Variants in AFF2 observed in about 807,000 individuals in gnomAD.
AFF2 encodes ALF transcription elongation factor 2, also known as AF4/FMR2 family member 2.
Under a neutral mutation model 76.9 loss-of-function variants are expected in AFF2, and 14 were observed. The observed-to-expected ratio is 0.18, with a 90% CI of 0.12 to 0.28. The LOEUF (loss-of-function observed/expected upper bound fraction) is 0.28. AFF2 is among the 10% of genes least tolerant of loss of function. The probability of loss-of-function intolerance (pLI) is 1.00; values close to 1 mark genes in which losing one functional copy is unlikely to be tolerated. For missense variants in AFF2, 868 were observed against 1,001.1 expected, an observed-to-expected ratio of 0.87 and a Z score of 1.79; for synonymous variants, 398 against 366.7, an observed-to-expected ratio of 1.09 and a Z score of -0.98.
intron 19 of AFF2, among the ~76,000 whole-genome samples, chrX:148,984,605 G>C (rs1176461410): frequency 3.6e-5 from 4 of 111,992 alleles, no homozygotes; most frequent in African/African-American, 1.3e-4. Flanking sequence ...AGAGCCTGGT[G>C]TGAGAACAGT....
rs56767828 is a variant in AFF2 at position 148,983,953 on chromosome X, CAAA to C, written c.3623+3176_3623+3178del. Among the ~76,000 whole-genome samples, 2 of 29,124 alleles carry C rather than the reference CAAA, an allele frequency of 6.9e-5. 1 individual carries two copies. Among genetic ancestry groups the C allele is most frequent in the Non-Finnish European group, 1.2e-4 (2 of 16,995 alleles). The allele number at this position is 29,124 out of a possible 115,157, so 25.3% of individuals were successfully genotyped here. A position where few individuals can be genotyped will look rare whatever the true frequency, so the allele number is the denominator to read the frequency against. On this transcript the variant is annotated intron_variant, in intron 19 of 20. Transcript: ENST00000370460. ...GAAGTATGGCACAGAGTGAAATAGA[CAAA>C]AAAAAAAAAAAACTGCCCTCATCAA...
At chrX:148,725,909 G>T (rs911331125) in intron 3 of AFF2, among the ~76,000 whole-genome samples, 27 of 112,033 alleles carry the variant, frequency 2.4e-4, no homozygotes, top group Non-Finnish European at 3.6e-4. Flanking sequence ...AGTTTTAAAA[G>T]AACTTTATAT....
chrX:148,576,215 T>C (rs934803218), intron 1 of AFF2, among the ~76,000 whole-genome samples: 1 of 111,946 alleles, frequency 8.9e-6, no homozygotes, highest in Non-Finnish European at 1.9e-5. Flanking sequence ...AACTGGATTA[T>C]CTGATTTCCT....
chrX:148,914,125 G>A (rs2071500847), intron 9 of AFF2, among the ~76,000 whole-genome samples: 1 of 111,629 alleles, frequency 9.0e-6, no homozygotes. Flanking sequence ...GATGAAGGAG[G>A]GAGTGACTGC....
intron 1 of AFF2, among the ~76,000 whole-genome samples, chrX:148,568,573 A>G (rs782250527): frequency 8.9e-6 from 1 of 112,094 alleles, no homozygotes; most frequent in Non-Finnish European, 1.9e-5. Context: ...CTTCAACCTG[A>G]CATGCCCCAG....
chrX:148,868,944 C>G (rs1276785672), intron 7 of AFF2, among the ~76,000 whole-genome samples: 1 of 112,455 alleles, frequency 8.9e-6, no homozygotes, highest in Admixed American at 9.4e-5. Flanking sequence ...CTAAAGGGTC[C>G]ACCTTTTAAT....
chrX:148,781,682 TC>T (rs1261275394), intron 3 of AFF2, among the ~76,000 whole-genome samples: 1 of 111,717 alleles, frequency 9.0e-6, no homozygotes, highest in Admixed American at 9.4e-5. Flanking sequence ...CTCCCTGGCT[TC>T]AGCCTTCTTT....
chrX:148,973,683 C>A, intron 16 of AFF2, 76 bp downstream of exon 16: 1 of 1,021,695 alleles, frequency 9.8e-7, no homozygotes, highest in Non-Finnish European at 1.3e-6. Context: ...AAAAATGTAT[C>A]ATTTCCACTT....
At chrX:148,793,354 T>G (rs1411130500) in intron 3 of AFF2, among the ~76,000 whole-genome samples, 1 of 112,084 alleles carries the variant, frequency 8.9e-6, no homozygotes, top group African/African-American at 3.2e-5. Context: ...ACTTCTGTTC[T>G]TGCTTTCACA....
At chrX:148,524,440 T>G (rs2052636927) in intron 1 of AFF2, among the ~76,000 whole-genome samples, 1 of 111,373 alleles carries the variant, frequency 9.0e-6, no homozygotes. Flanking sequence ...AAATTTGCCT[T>G]TTCAAATGTA....
intron 3 of AFF2, among the ~76,000 whole-genome samples, chrX:148,686,085 A>G (rs2054599375): frequency 8.9e-6 from 1 of 111,831 alleles, no homozygotes; most frequent in Non-Finnish European, 1.9e-5. Flanking sequence ...CATGGAATTC[A>G]GTAGTATATT....
At chrX:148,601,679 C>G (rs1452589844) in intron 1 of AFF2, among the ~76,000 whole-genome samples, 1 of 110,467 alleles carries the variant, frequency 9.1e-6, no homozygotes, top group Non-Finnish European at 1.9e-5. Context: ...ACCTGAAATC[C>G]ATATATTGTG....
chrX:148,673,522 G>A (rs2054447602), intron 3 of AFF2, among the ~76,000 whole-genome samples: 1 of 111,279 alleles, frequency 9.0e-6, no homozygotes, highest in Non-Finnish European at 1.9e-5. Flanking sequence ...TGGATTTAGG[G>A]CCCACCTTAT....
At chrX:148,977,081 A>G (rs2072335040) in intron 16 of AFF2, among the ~76,000 whole-genome samples, 1 of 112,222 alleles carries the variant, frequency 8.9e-6, no homozygotes, top group African/African-American at 3.2e-5. Context: ...CTTCTTATAA[A>G]TGAGAACTTT....
chrX:148,778,920 C>T (rs183230431), intron 3 of AFF2, among the ~76,000 whole-genome samples: 3 of 111,223 alleles, frequency 2.7e-5, no homozygotes, highest in African/African-American at 9.8e-5. Context: ...TCTTGCCTCT[C>T]TAGTTTTTTT....
intron 3 of AFF2, among the ~76,000 whole-genome samples, chrX:148,745,928 A>G (rs1569554761): frequency 9.1e-6 from 1 of 110,429 alleles, no homozygotes; most frequent in Non-Finnish European, 1.9e-5. Flanking sequence ...TTTTTAGTAG[A>G]GACAGGGTTT....
At chrX:148,593,041 G>A (rs192235790) in intron 1 of AFF2, among the ~76,000 whole-genome samples, 32 of 111,482 alleles carry the variant, frequency 2.9e-4, no homozygotes, top group African/African-American at 9.1e-4. Context: ...GAAATAGATC[G>A]CTCTGCTGAC....
At chrX:148,851,254 T>C (rs1244055653) in intron 7 of AFF2, among the ~76,000 whole-genome samples, 1 of 111,546 alleles carries the variant, frequency 9.0e-6, no homozygotes, top group Admixed American at 9.5e-5. Context: ...GCACACAAAA[T>C]TACAGCTGTA....
chrX:148,700,985 G>GGGGA (rs112537070), intron 3 of AFF2, among the ~76,000 whole-genome samples: 4 of 81,895 alleles, frequency 4.9e-5, no homozygotes, highest in Admixed American at 1.4e-4. Context: ...AGGTATGATG[G>GGGGA]GAGAGAGAGA....
Sources: allele counts gnomAD v4.1 joint callset (sites outside exome capture counted in the v4.1 genomes callset), GRCh38; gene constraint gnomAD v4.1.1; transcripts MANE v1.5; gene names NCBI Gene and HGNC (gene_info 2026-07-23, HGNC 2026-07-21).